The following ADGRG4 variants were observed in gnomAD, a reference collection of about 807,000 sequenced individuals.
ADGRG4 encodes the protein G protein-coupled receptor 112.
ADGRG4 carries 122 observed loss-of-function variants against 126.2 expected under a neutral mutation model. The observed-to-expected ratio is 0.97, with a 90% CI of 0.83 to 1.12. ADGRG4 has a LOEUF of 1.12. Ranked by LOEUF, ADGRG4 falls within the 50% of genes most tolerant of loss-of-function variation. The probability of loss-of-function intolerance (pLI) is 0.00; values close to 1 mark genes in which losing one functional copy is unlikely to be tolerated. For synonymous variants in ADGRG4, 943 were observed against 838.7 expected (o/e 1.12, Z -2.15); for missense variants, 2,481 against 2,251.8 (o/e 1.10, Z -2.06).
At chrX:136,318,618 G>A (rs1490033393) in intron 4 of ADGRG4, among the ~76,000 whole-genome samples, 1 of 111,587 alleles carries the variant, frequency 9.0e-6, no homozygotes, top group African/African-American at 3.3e-5. Flanking sequence ...TGAGATTTAT[G>A]ATGAGTTTTT....
chrX:136,389,510 A>T (rs889450328), intron 16 of ADGRG4, among the ~76,000 whole-genome samples: 1 of 112,127 alleles, frequency 8.9e-6, no homozygotes, highest in Non-Finnish European at 1.9e-5. Context: ...TGCAAACATC[A>T]TAGTACCAGA....
At position 136,400,047 on chromosome X, in the gene ADGRG4, T is replaced by C. The variant is rs141838229; in HGVS notation, c.8506T>C (p.Leu2836=). 225 of 1,204,715 alleles carry C rather than the reference T, an allele frequency of 1.9e-4. 2 individuals carry two copies. The African/African-American group carries it at 3.5e-3, about 19-fold the overall frequency. The part of the protein sequence containing the change: ...WMGLEAVHMY[L]ALVKVFNIYI... ...GGGCCTGGAGGCAGTCCACATGTAT[T>C]TGGCTCTAGTCAAAGTCTTCAACAT... Residue 2836 remains leucine, a synonymous_variant, in exon 21 of 26, where the codon TTG becomes CTG. Coordinates refer to ENST00000394143, the MANE Select transcript of ADGRG4 (RefSeq NM_153834.4).
chrX:136,378,629 T>A (rs1289521449), intron 15 of ADGRG4, among the ~76,000 whole-genome samples: 6 of 111,743 alleles, frequency 5.4e-5, no homozygotes, highest in Admixed American at 9.5e-5. Context: ...TTTGTTTTGT[T>A]TTTTTAAAAG....
intron 4 of ADGRG4, among the ~76,000 whole-genome samples, chrX:136,320,916 C>T (rs955790134): frequency 2.7e-5 from 3 of 110,996 alleles, no homozygotes; most frequent in East Asian, 2.8e-4. Context: ...GAGACCCCCC[C>T]TCTTAAAACA....
At chrX:136,340,098 G>C (rs1027612530) in intron 5 of ADGRG4, among the ~76,000 whole-genome samples, 5 of 111,525 alleles carry the variant, frequency 4.5e-5, no homozygotes, top group African/African-American at 1.6e-4. Context: ...AGAAATGATA[G>C]GTGCACAGAA....
At chrX:136,323,446 T>A (rs1170173274) in intron 5 of ADGRG4, 54 bp downstream of exon 5, 4 of 1,093,638 alleles carry the variant, frequency 3.7e-6, no homozygotes, top group Non-Finnish European at 4.9e-6. Flanking sequence ...ACACAGTACT[T>A]CTCTGCTAGC....
chrX:136,339,230 C>G (rs1401032164), intron 5 of ADGRG4, among the ~76,000 whole-genome samples: 1 of 111,626 alleles, frequency 9.0e-6, no homozygotes, highest in African/African-American at 3.3e-5. Context: ...GGAAGAGAAT[C>G]TCAGTACTGC....
At chrX:136,359,766 C>T (rs2075116580) in intron 11 of ADGRG4, among the ~76,000 whole-genome samples, 1 of 111,501 alleles carries the variant, frequency 9.0e-6, no homozygotes, top group Non-Finnish European at 1.9e-5. Context: ...AGAGCTTCCT[C>T]ATTAACACAC....
chrX:136,347,755 G>T lies in ADGRG4; in HGVS notation c.4049G>T (p.Gly1350Val). 5.8e-6 allele frequency: 7 copies of T among 1,210,802 alleles called. No homozygotes were observed. Among genetic ancestry groups the T allele is most frequent in the Non-Finnish European group, 7.8e-6 (7 of 894,802 alleles). ...TPTLTSSNTV[G>V]VHIPEMSTSL... ...ACCTTGACCTCAAGTAACACAGTAG[G>T]TGTTCACATTCCAGAAATGTCTACC... is the stretch of plus-strand genomic sequence containing the variant. The change falls in exon 6 of 26, where the codon GGT becomes GTT. Residue 1350 changes from glycine to valine, a missense_variant. Physicochemically the swap from Gly to Val is moderately radical, Grantham distance 109. Coordinates refer to ENST00000394143, the MANE Select transcript of ADGRG4 (RefSeq NM_153834.4).
chrX:136,365,873 A>G (rs2075155762), intron 13 of ADGRG4, among the ~76,000 whole-genome samples: 1 of 111,405 alleles, frequency 9.0e-6, no homozygotes. Context: ...GTTAATGTTT[A>G]TAGACTTTAT....
chrX:136,351,671 G>GT (rs1222315771), intron 7 of ADGRG4, 130 bp downstream of exon 7: 25,278 of 224,984 alleles, frequency 0.11, 117 homozygotes, highest in East Asian at 0.13. Context: ...CAGCTAAGTA[G>GT]TTTTTTTTTT....
chrX:136,317,219 G>A (rs747168050), intron 4 of ADGRG4, among the ~76,000 whole-genome samples: 8 of 110,694 alleles, frequency 7.2e-5, no homozygotes, highest in Non-Finnish European at 1.3e-4. Context: ...CACCAAAAGC[G>A]GCCGGGCGTG....
chrX:136,356,492 G>A (rs1045156534), intron 9 of ADGRG4, among the ~76,000 whole-genome samples: 1 of 111,894 alleles, frequency 8.9e-6, no homozygotes, highest in Non-Finnish European at 1.9e-5. Context: ...TTGCAAGACT[G>A]GCATTCACAC....
chrX:136,350,787 C>T (rs1267515584), intron 6 of ADGRG4, among the ~76,000 whole-genome samples: 1 of 111,045 alleles, frequency 9.0e-6, no homozygotes, highest in Non-Finnish European at 1.9e-5. Flanking sequence ...AATCATACGG[C>T]CTTAGGTCTG....
Position 136,350,018 on chromosome X carries a change from C to T in ADGRG4, c.6312C>T (p.His2104=). 1 of 1,210,616 alleles carries T rather than the reference C, an allele frequency of 8.3e-7. No homozygotes were observed. Among genetic ancestry groups the T allele is most frequent in the South Asian group, 1.8e-5 (1 of 56,939 alleles). The change falls in exon 6 of 26, where the codon CAC becomes CAT. Residue 2104 remains histidine, a synonymous_variant. Transcript: ENST00000394143. ...ATGACATTGTGTACATTTCCACACA[C>T]CCTGAGGCATCCTCCAGAACCACAA... ...VTDDIVYIST[H]PEASSRTTIT... is the part of the protein sequence containing the mutation.
chrX:136,378,636 A>C (rs1296134816), intron 15 of ADGRG4, among the ~76,000 whole-genome samples: 1 of 111,353 alleles, frequency 9.0e-6, no homozygotes, highest in Admixed American at 9.5e-5. Context: ...TGTTTTTTTA[A>C]AAGATGTTCT....
intron 5 of ADGRG4, among the ~76,000 whole-genome samples, chrX:136,324,834 T>C (rs894140187): frequency 2.7e-5 from 3 of 112,036 alleles, no homozygotes; most frequent in Admixed American, 1.9e-4. Context: ...GTCATTTTAC[T>C]AAGGCGTCCC....
At chrX:136,327,488 T>TAATAATAATAATAATAATAAG (rs2074881133) in intron 5 of ADGRG4, among the ~76,000 whole-genome samples, 1 of 108,126 alleles carries the variant, frequency 9.2e-6, no homozygotes. Flanking sequence ...ATAATAATAA[T>TAATAATAATAATAATAATAAG]AATATATACA....
At position 136,346,661 on chromosome X, in the gene ADGRG4, G is replaced by A. The variant is rs764124577; in HGVS notation, c.2955G>A (p.Arg985=). The A allele has an allele frequency of 2.5e-6, 3 of 1,210,684 alleles. No homozygotes were observed. The Admixed American group carries it at 6.5e-5, about 26-fold the overall frequency. Residue 985 remains arginine (R), a synonymous_variant, in exon 6 of 26, where the codon AGG becomes AGA. Transcript: ENST00000394143. Reference sequence around the variant, plus strand: ...GTTTCTCCACTACCCCTACAGACAGGACAGCTACGTCCTTGTCTGATGGTA... The same window carrying A: ...GTTTCTCCACTACCCCTACAGACAGAACAGCTACGTCCTTGTCTGATGGTA... The part of the protein sequence containing the change: ...ETSFSTTPTD[R]TATSLSDGIL...
Sources: allele counts gnomAD v4.1 joint callset (sites outside exome capture counted in the v4.1 genomes callset), GRCh38; gene constraint gnomAD v4.1.1; transcripts MANE v1.5; gene names NCBI Gene and HGNC (gene_info 2026-07-23, HGNC 2026-07-21).